The following KCNQ1OT1 variants were observed in gnomAD, a reference collection of about 807,000 sequenced individuals.
The protein encoded by KCNQ1OT1 is KCNQ1 opposite strand/antisense transcript 1.
Position 2,612,731 on chromosome 11 carries a change from C to T in KCNQ1OT1, n.87264G>A, listed in dbSNP as rs145545204. On this transcript the variant is annotated non_coding_transcript_exon_variant, in exon 1 of 1. Transcript: ENST00000597346. The surrounding 1 kb of genome is among the most constrained non-coding windows in gnomAD (Gnocchi z 5.5). ...AAATCGCGCCCTAACATTTGGGGCCCTTCAGAGATAATTCCTATTTATTGC... is the reference window on the plus strand; with the variant it reads ...AAATCGCGCCCTAACATTTGGGGCCTTTCAGAGATAATTCCTATTTATTGC... The T allele has an allele frequency of 1.5e-3, 600 of 398,482 alleles. 3 individuals carry two copies. The highest frequency in any genetic ancestry group is 0.011 in the African/African-American group (538 of 48,704). The allele number at this position is 398,482 out of a possible 1,614,324, so 24.7% of individuals were successfully genotyped here. A position where few individuals can be genotyped will look rare whatever the true frequency, so the allele number is the denominator to read the frequency against.
chr11:2,610,809 T>A (rs1289054871), exon 1 of KCNQ1OT1: 1 of 368,132 alleles, frequency 2.7e-6, no homozygotes, highest in Non-Finnish European at 4.7e-6. Flanking sequence ...TGACGAAAAG[T>A]CAGCTCCACA....
chr11:2,612,651 A>G lies in KCNQ1OT1; in HGVS notation n.87344T>C, dbSNP rs1329676565. ...GATGAGTCTTTGTCATCACACTTGC[A>G]TTCTTTAATGTGGTTTCTTTTGGTT... On this transcript the variant is annotated non_coding_transcript_exon_variant, in exon 1 of 1. Transcript: ENST00000597346. The surrounding 1 kb of genome is among the most constrained non-coding windows in gnomAD (Gnocchi z 5.5). The G allele has an allele frequency of 2.5e-6, 1 of 398,474 alleles. No homozygotes were observed. Among genetic ancestry groups the G allele is most frequent in the Middle Eastern group, 6.3e-4 (1 of 1,588 alleles). The allele number at this position is 398,474 out of a possible 1,614,324, so 24.7% of individuals were successfully genotyped here.
chr11:2,646,998 T>G, exon 1 of KCNQ1OT1: 1 of 398,614 alleles, frequency 2.5e-6, no homozygotes, highest in Non-Finnish European at 4.4e-6. Context: ...GCCTAATTGT[T>G]CTGGTGAGGA....
In KCNQ1OT1 at chr11:2,615,039, T is replaced by A. The variant is rs187053709; in HGVS notation, n.84956A>T. On this transcript the variant is annotated non_coding_transcript_exon_variant, in exon 1 of 1. Transcript: ENST00000597346. ...CAATCTGTGAACACAGGATGTATAG[T>A]TCTATTTATTTAAGTCTTCTTTAAT... 3.5e-3 allele frequency: 1,387 copies of A among 398,378 alleles called. 5 individuals carry two copies. Among genetic ancestry groups the A allele is most frequent in the Non-Finnish European group, 5.2e-3 (1,164 of 225,918 alleles). 24.7% of individuals were successfully genotyped at this position (398,378 alleles called of 1,614,324 possible).
rs1850136838 is a variant in KCNQ1OT1 at position 2,669,120 on chromosome 11, T to C, written n.30875A>G. 2.5e-6 allele frequency: 1 copy of C among 398,712 alleles called. No individual in the cohort carries two copies. The highest frequency in any genetic ancestry group is 3.6e-5 in the East Asian group (1 of 28,082). 24.7% of individuals were successfully genotyped at this position (398,712 alleles called of 1,614,324 possible). A position where few individuals can be genotyped will look rare whatever the true frequency, so the allele number is the denominator to read the frequency against. On this transcript the variant is annotated non_coding_transcript_exon_variant, in exon 1 of 1. Transcript: ENST00000597346. The surrounding 1 kb of genome is among the most constrained non-coding windows in gnomAD (Gnocchi z 5.6). ...AGCTCACTGGCTACGTGTGGCTCTG[T>C]TTCTGGACCCTATTGGGTGCCACTG... is the stretch of plus-strand genomic sequence containing the variant.
rs116728731 is a variant in KCNQ1OT1, at chr11:2,644,186, T to A, written n.55809A>T. ...GTATTATTTCATTAAATAGGTTTTA[T>A]AATCTTTTGGTTTGCTCTTCACCTT... On this transcript the variant is annotated non_coding_transcript_exon_variant, in exon 1 of 1. Transcript: ENST00000597346. 162 of 398,580 alleles carry A rather than the reference T, an allele frequency of 4.1e-4. 2 individuals are homozygous for A. The highest frequency in any genetic ancestry group is 3.0e-3 in the African/African-American group (145 of 48,768). 24.7% of individuals were successfully genotyped at this position (398,580 alleles called of 1,614,324 possible). A position where few individuals can be genotyped will look rare whatever the true frequency, so the allele number is the denominator to read the frequency against.
exon 1 of KCNQ1OT1, chr11:2,628,454 C>T: frequency 2.5e-6 from 1 of 398,390 alleles, no homozygotes; most frequent in East Asian, 3.6e-5. Context: ...AATGTCTATT[C>T]AGTCCCTTGT....
exon 1 of KCNQ1OT1, chr11:2,692,318 T>C (rs60056002): frequency 0.08 from 32,096 of 398,954 alleles, 1,430 homozygotes; most frequent in Middle Eastern, 0.12. Context: ...CTATTGCCAC[T>C]GTCCTGATAG....
In KCNQ1OT1 at chr11:2,692,644, C is replaced by A. The variant is rs533706973; in HGVS notation, n.7351G>T. 19 of 398,708 alleles carry A rather than the reference C, an allele frequency of 4.8e-5. No individual in the cohort carries two copies. In the South Asian group the frequency reaches 1.3e-3, roughly 27 times the overall value. The allele number at this position is 398,708 out of a possible 1,614,324, so 24.7% of individuals were successfully genotyped here. On this transcript the variant is annotated non_coding_transcript_exon_variant, in exon 1 of 1. Transcript: ENST00000597346. ...TGCTGTGCTCCCAGGCCTCAGCACT[C>A]CCCTCAGGGTGCAAACGGTCCTTCA...
exon 1 of KCNQ1OT1, chr11:2,640,898 G>C (rs1206042660): frequency 2.5e-6 from 1 of 399,190 alleles, no homozygotes; most frequent in African/African-American, 2.1e-5. Context: ...AACTTTTATA[G>C]CTCCCACATA....
Position 2,627,116 on chromosome 11 carries a change from A to G in KCNQ1OT1, n.72879T>C, listed in dbSNP as rs930917715. 1.0e-5 allele frequency: 4 copies of G among 398,236 alleles called. No homozygotes were observed. Among genetic ancestry groups the G allele is most frequent in the African/African-American group, 8.2e-5 (4 of 48,546 alleles). 24.7% of individuals were successfully genotyped at this position (398,236 alleles called of 1,614,324 possible). ...CTTTCAGCATTGTTTTGTAATTTTC[A>G]TTGTACAAGACTTTCACCTCCTTGG... On this transcript the variant is annotated non_coding_transcript_exon_variant, in exon 1 of 1. Transcript: ENST00000597346. The surrounding 1 kb of genome is among the most constrained non-coding windows in gnomAD (Gnocchi z 4.9).
At chr11:2,649,492 T>G in exon 1 of KCNQ1OT1, 1 of 398,540 alleles carries the variant, frequency 2.5e-6, no homozygotes, top group Non-Finnish European at 4.4e-6. Context: ...TTCCCTCAGT[T>G]TTTGCTTGTC....
rs903917789 is a variant in KCNQ1OT1 at position 2,612,135 on chromosome 11, C to T, written n.87860G>A. 2.5e-6 allele frequency: 1 copy of T among 398,500 alleles called. No individual in the cohort carries two copies. Among genetic ancestry groups the T allele is most frequent in the African/African-American group, 2.1e-5 (1 of 48,644 alleles). 24.7% of individuals were successfully genotyped at this position (398,500 alleles called of 1,614,324 possible). On this transcript the variant is annotated non_coding_transcript_exon_variant, in exon 1 of 1. Transcript: ENST00000597346. The surrounding 1 kb of genome is among the most constrained non-coding windows in gnomAD (Gnocchi z 5.5). ...CCCAGGGCCATGGACTGGTACCAGT[C>T]TGTGGCCTATTAGAAACTGGGCTAC...
Position 2,676,702 on chromosome 11 carries a change from C to T in KCNQ1OT1, n.23293G>A. On this transcript the variant is annotated non_coding_transcript_exon_variant, in exon 1 of 1. Coordinates refer to ENST00000597346, the Ensembl canonical transcript of KCNQ1OT1. This position sits in a 1 kb window ranked among gnomAD's most constrained non-coding sequence, Gnocchi z 4.2. ...GAGCACTAACTGGACTACAGCCTGG[C>T]AGGAGATAACCAAGTCATATGCATA... The T allele has an allele frequency of 2.5e-6, 1 of 398,620 alleles. No homozygotes were observed. The highest frequency in any genetic ancestry group is 4.4e-6 in the Non-Finnish European group (1 of 226,066). 24.7% of individuals were successfully genotyped at this position (398,620 alleles called of 1,614,324 possible).
chr11:2,697,483 A>G, exon 1 of KCNQ1OT1: 1 of 398,606 alleles, frequency 2.5e-6, no homozygotes, highest in Non-Finnish European at 4.4e-6. Context: ...GTTTACTGAA[A>G]AGTTAAGTTT....
exon 1 of KCNQ1OT1, chr11:2,681,769 G>A: frequency 2.5e-6 from 1 of 398,452 alleles, no homozygotes; most frequent in Non-Finnish European, 4.4e-6. Flanking sequence ...GGGGCCCTGG[G>A]ACCTGGGAGG....
chr11:2,672,074 T>C (rs915796646), exon 1 of KCNQ1OT1: 1 of 398,634 alleles, frequency 2.5e-6, no homozygotes, highest in South Asian at 1.3e-4. Context: ...TGGTCCCTGG[T>C]CTGGACTGAG....
In KCNQ1OT1 at chr11:2,670,881, C is replaced by A; in HGVS notation, n.29114G>T. 2.5e-6 allele frequency: 1 copy of A among 398,660 alleles called. No individual in the cohort carries two copies. Among genetic ancestry groups the A allele is most frequent in the Non-Finnish European group, 4.4e-6 (1 of 226,082 alleles). 24.7% of individuals were successfully genotyped at this position (398,660 alleles called of 1,614,324 possible). ...ACTGGCCAGTGGGCCACTGGGAAGCCTCCTGGATTGCCTGGACAAGGCTGA... is the reference window on the plus strand; with the variant it reads ...ACTGGCCAGTGGGCCACTGGGAAGCATCCTGGATTGCCTGGACAAGGCTGA... On this transcript the variant is annotated non_coding_transcript_exon_variant, in exon 1 of 1. Coordinates refer to ENST00000597346, the Ensembl canonical transcript of KCNQ1OT1. The surrounding 1 kb of genome is among the most constrained non-coding windows in gnomAD (Gnocchi z 4.9).
exon 1 of KCNQ1OT1, chr11:2,641,892 C>T (rs994316352): frequency 2.0e-5 from 8 of 398,432 alleles, no homozygotes; most frequent in African/African-American, 1.2e-4. Flanking sequence ...AGAGGGTGCT[C>T]TTTTCCCAGT....
Sources: allele counts gnomAD v4.1 joint callset, GRCh38; gene constraint gnomAD v4.1.1; non-coding constraint Gnocchi (gnomAD v3.1); transcripts MANE v1.5; gene names NCBI Gene and HGNC (gene_info 2026-07-23, HGNC 2026-07-21).